The following MAGI2 variants were observed in gnomAD, a reference collection of about 807,000 sequenced individuals.
MAGI2 encodes the protein membrane-associated guanylate kinase, WW and PDZ domain-containing protein 2.
Under a neutral mutation model 133.3 loss-of-function variants are expected in MAGI2, and 35 were observed. The observed-to-expected ratio is 0.26, with a 90% CI of 0.20 to 0.35. MAGI2 has a LOEUF of 0.35. Among genes scored for constraint, MAGI2 ranks in the 10% least tolerant of loss-of-function variants. The probability of loss-of-function intolerance (pLI) is 1.00; values close to 1 mark genes in which losing one functional copy is unlikely to be tolerated. For synonymous variants in MAGI2, 729 were observed against 710.6 expected, an observed-to-expected ratio of 1.03 and a Z score of -0.41; for missense variants, 1,636 against 1,863.4, an observed-to-expected ratio of 0.88 and a Z score of 2.25.
At chr7:78,379,108 C>T (rs189151426) in intron 6 of MAGI2, among the ~76,000 whole-genome samples, 4 of 151,664 alleles carry the variant, frequency 2.6e-5, no homozygotes, top group Admixed American at 2.6e-4. Context: ...CATTAGAACA[C>T]AAATAAAAAC....
rs371729478 is a variant in MAGI2, at chr7:78,133,911, TC to T, written c.3032-852del. 5.6e-4 allele frequency among the ~76,000 whole-genome samples: 85 copies of T among 151,470 alleles called. 1 individual carries two copies. The highest frequency in any genetic ancestry group is 6.9e-3 in the Middle Eastern group (2 of 290). ...TTAGCATTCCCCTATGAACTCTTCT[TC>T]CCCCCCCTTTTTTCCCCACAGTCCA... On this transcript the variant is annotated intron_variant, in intron 17 of 21. Transcript: ENST00000354212.
At chr7:78,254,495 A>G (rs970005825) in intron 10 of MAGI2, 3 of 152,222 alleles carry the variant, frequency 2.0e-5, no homozygotes, top group African/African-American at 7.2e-5. Flanking sequence ...TGAGAATTCA[A>G]GTGCTATTTT....
At chr7:78,132,814 G>T in intron 18 of MAGI2, 75 bp downstream of exon 18, 3 of 1,603,990 alleles carry the variant, frequency 1.9e-6, no homozygotes, top group Non-Finnish European at 2.6e-6. Flanking sequence ...TGCCTGTCCT[G>T]TGCTGTCCCC....
At chr7:78,107,276 T>A (rs1818788049) in intron 20 of MAGI2, among the ~76,000 whole-genome samples, 1 of 151,994 alleles carries the variant, frequency 6.6e-6, no homozygotes, top group South Asian at 2.1e-4. Flanking sequence ...ATAATTTGAA[T>A]AATGTGACCC....
chr7:79,018,992 A>G (rs1809019134), intron 1 of MAGI2, among the ~76,000 whole-genome samples: 1 of 152,176 alleles, frequency 6.6e-6, no homozygotes, highest in Non-Finnish European at 1.5e-5. Flanking sequence ...TGAGGCAGAA[A>G]GCTAACAAAG....
intron 1 of MAGI2, among the ~76,000 whole-genome samples, chr7:79,318,220 T>C (rs1185292001): frequency 6.6e-6 from 1 of 152,074 alleles, no homozygotes; most frequent in Non-Finnish European, 1.5e-5. Flanking sequence ...AAAAGTTCAT[T>C]TGGATACATA....
chr7:78,823,941 C>T (rs1414923996), intron 2 of MAGI2, among the ~76,000 whole-genome samples: 1 of 144,170 alleles, frequency 6.9e-6, no homozygotes, highest in Non-Finnish European at 1.5e-5. Context: ...ACACAAAATG[C>T]ATTGTCAATA....
chr7:79,235,980 A>G (rs1831892005), intron 1 of MAGI2, among the ~76,000 whole-genome samples: 1 of 152,222 alleles, frequency 6.6e-6, no homozygotes, highest in African/African-American at 2.4e-5. Context: ...TGGGAAATGG[A>G]GAAGTCCAGC....
chr7:79,048,790 A>G (rs1450920444), intron 1 of MAGI2, among the ~76,000 whole-genome samples: 2 of 152,138 alleles, frequency 1.3e-5, no homozygotes, highest in African/African-American at 4.8e-5. Flanking sequence ...CCTGGCCAAC[A>G]GTGTGAAATC....
chr7:79,129,502 A>T (rs1820723073), intron 1 of MAGI2, among the ~76,000 whole-genome samples: 1 of 152,196 alleles, frequency 6.6e-6, no homozygotes, highest in Non-Finnish European at 1.5e-5. Context: ...ATCTCCATTT[A>T]TTCTCCATCT....
In MAGI2 at chr7:78,828,384, C is replaced by T. The variant is rs1208837330; in HGVS notation, c.418+178706G>A. Among the ~76,000 whole-genome samples, 3 of 152,138 alleles carry T rather than the reference C, an allele frequency of 2.0e-5. No individual in the cohort carries two copies. The East Asian group carries it at 5.8e-4, about 29-fold the overall frequency. ...CTGATGTGATGAAAATGATGTTTTA[C>T]TTCTATGGACCTTTCTTCCCCAACA... On this transcript the variant is annotated intron_variant, in intron 2 of 21. Coordinates refer to ENST00000354212, the MANE Select transcript of MAGI2 (RefSeq NM_012301.4).
chr7:78,072,471 A>G lies in MAGI2; in HGVS notation c.3706+6476T>C, dbSNP rs1022599523. The G allele has an allele frequency of 2.0e-5, 3 of 153,052 alleles. No homozygotes were observed. The South Asian group carries it at 6.2e-4, about 32-fold the overall frequency. 9.5% of individuals were successfully genotyped at this position (153,052 alleles called of 1,614,324 possible). On this transcript the variant is annotated intron_variant, in intron 21 of 21. Coordinates refer to ENST00000354212, the MANE Select transcript of MAGI2 (RefSeq NM_012301.4). Reference sequence around the variant, plus strand: ...TCAGTGCCTGCAAAGCATCCTGCACATAGTAGGTGTTAAGTAAATCTGATT... The same window carrying G: ...TCAGTGCCTGCAAAGCATCCTGCACGTAGTAGGTGTTAAGTAAATCTGATT...
intron 2 of MAGI2, among the ~76,000 whole-genome samples, chr7:78,755,227 C>T (rs1312041530): frequency 2.0e-5 from 3 of 152,178 alleles, no homozygotes; most frequent in South Asian, 2.1e-4. Context: ...TAAGTATGTA[C>T]GGTGGAAAAA....
chr7:79,039,462 G>T (rs1199726407), intron 1 of MAGI2, among the ~76,000 whole-genome samples: 3 of 151,818 alleles, frequency 2.0e-5, no homozygotes. Flanking sequence ...TCTTCTGGAA[G>T]TGTTATTGCT....
intron 7 of MAGI2, among the ~76,000 whole-genome samples, chr7:78,350,717 C>T (rs1791415789): frequency 6.6e-6 from 1 of 152,120 alleles, no homozygotes; most frequent in African/African-American, 2.4e-5. Flanking sequence ...GTCCTGTTTG[C>T]CTGCCATTTT....
intron 1 of MAGI2, among the ~76,000 whole-genome samples, chr7:79,373,637 A>C (rs1190670903): frequency 6.6e-6 from 1 of 152,098 alleles, no homozygotes; most frequent in East Asian, 1.9e-4. Flanking sequence ...GTGGTTGAAT[A>C]AATGAAAACC....
chr7:78,498,808 C>A (rs1051877100), intron 5 of MAGI2, among the ~76,000 whole-genome samples: 7 of 152,064 alleles, frequency 4.6e-5, no homozygotes, highest in African/African-American at 1.4e-4. Context: ...TATGGAGGAA[C>A]CTTAGCAGGC....
chr7:78,536,144 G>C (rs1797891907), intron 3 of MAGI2, among the ~76,000 whole-genome samples: 1 of 94,914 alleles, frequency 1.1e-5, no homozygotes, highest in African/African-American at 4.2e-5. Context: ...ACGGAGTCTC[G>C]CTCTGTCGCC....
At chr7:78,453,177 A>G (rs564784182) in intron 6 of MAGI2, among the ~76,000 whole-genome samples, 1 of 152,268 alleles carries the variant, frequency 6.6e-6, no homozygotes, top group Non-Finnish European at 1.5e-5. Context: ...TCTCCTTTGC[A>G]TAATGAACAA....
Sources: gnomAD v4.1 joint callset for allele counts (sites outside exome capture counted in the v4.1 genomes callset) on GRCh38, gnomAD v4.1.1 for gene constraint, MANE v1.5 for transcripts, NCBI Gene and HGNC (gene_info 2026-07-23, HGNC 2026-07-21) for gene names.